Variants in DNAJC5 observed in about 807,000 individuals in gnomAD.
DNAJC5 encodes DnaJ heat shock protein family (Hsp40) member C5, also known as dnaJ homolog subfamily C member 5.
A neutral mutation model predicts 23.2 loss-of-function variants in DNAJC5; 1 was observed. The observed-to-expected ratio is 0.04, with a 90% CI of 0.02 to 0.20. The LOEUF is 0.20. Ranked by LOEUF, DNAJC5 falls within the 10% of genes least tolerant of loss-of-function variation. The pLI is 1.00. For synonymous variants in DNAJC5, 136 were observed against 120.0 expected (o/e 1.13, Z -0.87); for missense variants, 180 against 267.0 (o/e 0.67, Z 2.27).
intron 1 of DNAJC5, among the ~76,000 whole-genome samples, chr20:63,923,514 G>A (rs6122214): frequency 4.6e-5 from 7 of 152,116 alleles, no homozygotes; most frequent in African/African-American, 1.2e-4. Context: ...TGTAGCAGGC[G>A]GATTGCTTGA....
At chr20:63,899,795 A>C (rs929724639) in intron 1 of DNAJC5, among the ~76,000 whole-genome samples, 2 of 148,024 alleles carry the variant, frequency 1.4e-5, no homozygotes, top group East Asian at 2.1e-4. Flanking sequence ...GTTAGCCAGG[A>C]TGGTCTCGAT....
rs202015608 is a variant in DNAJC5 at position 63,929,364 on chromosome 20, G to A, written c.160G>A (p.Ala54Thr). The part of the protein sequence containing the change: ...PDKNPDNPEA[A>T]DKFKEINNAH... ...CAAGAACCCCGACAACCCGGAGGCC[G>A]CGGACAAGTTTAAGGAGATCAACAA... The change falls in exon 3 of 5, where the codon GCG (alanine) becomes ACG (threonine). Residue 54 changes from alanine (A) to threonine (T), a missense_variant. Around this residue, in one of 3 missense-constraint regions of DNAJC5, gnomAD observed 77 missense variants for 106.8 expected, o/e 0.72. Transcript: ENST00000360864. This position sits in a 1 kb window ranked among gnomAD's most constrained non-coding sequence, Gnocchi z 8.6. 52 of 1,614,156 alleles carry A rather than the reference G, an allele frequency of 3.2e-5. No individual in the cohort carries two copies. Among genetic ancestry groups the A allele is most frequent in the South Asian group, 4.4e-5 (4 of 91,086 alleles).
At position 63,920,779 on chromosome 20, in the gene DNAJC5, G is replaced by A. The variant is rs887277115; in HGVS notation, c.-11-7556G>A. On this transcript the variant is annotated intron_variant, in intron 1 of 4. Coordinates refer to ENST00000360864, the MANE Select transcript of DNAJC5 (RefSeq NM_025219.3). The surrounding 1 kb of genome is among the most constrained non-coding windows in gnomAD (Gnocchi z 4.6). ...TGCAACCTCCCCCTCGAGGGTTCAAGCGATTCTCCTGCCTCAGCCTCCTGA... is the reference window on the plus strand; with the variant it reads ...TGCAACCTCCCCCTCGAGGGTTCAAACGATTCTCCTGCCTCAGCCTCCTGA... Among the ~76,000 whole-genome samples the A allele has an allele frequency of 6.6e-6, 1 of 152,152 alleles. No individual in the cohort carries two copies. The highest frequency in any genetic ancestry group is 2.4e-5 in the African/African-American group (1 of 41,426).
At chr20:63,897,332 T>C (rs2053381948) in intron 1 of DNAJC5, among the ~76,000 whole-genome samples, 1 of 152,128 alleles carries the variant, frequency 6.6e-6, no homozygotes, top group Non-Finnish European at 1.5e-5. Context: ...AGGCGGAGGT[T>C]GCAGTGAGCC....
At chr20:63,908,009 C>G (rs1661098730) in intron 1 of DNAJC5, among the ~76,000 whole-genome samples, 1 of 152,300 alleles carries the variant, frequency 6.6e-6, no homozygotes, top group African/African-American at 2.4e-5. Flanking sequence ...CTCGTGATCC[C>G]CCCACCTTGG....
Position 63,930,736 on chromosome 20 carries a change from C to T in DNAJC5, c.322-115C>T, listed in dbSNP as rs572734063. On this transcript the variant is annotated intron_variant, in intron 3 of 4. Coordinates refer to ENST00000360864, the MANE Select transcript of DNAJC5 (RefSeq NM_025219.3). The stretch of plus-strand genomic sequence containing the variant: ...TTCCTTCTGCTTCCTGTCTGGAAGG[C>T]AGTATCCCCACCTGGAACGCACCCC... 4 of 1,515,090 alleles carry T rather than the reference C, an allele frequency of 2.6e-6. No homozygotes were observed. In the African/African-American group the frequency reaches 5.5e-5, roughly 21 times the overall value. 93.9% of individuals were successfully genotyped at this position (1,515,090 alleles called of 1,614,324 possible).
At chr20:63,922,038 C>G (rs1224148452) in intron 1 of DNAJC5, among the ~76,000 whole-genome samples, 1 of 152,094 alleles carries the variant, frequency 6.6e-6, no homozygotes, top group Admixed American at 6.6e-5. Context: ...CTCAGCCTCC[C>G]AAAGTGCTGG....
At chr20:63,900,576 CAAA>C (rs752326573) in intron 1 of DNAJC5, among the ~76,000 whole-genome samples, 3 of 65,280 alleles carry the variant, frequency 4.6e-5, no homozygotes, top group African/African-American at 6.5e-5. Context: ...GACACTGTCT[CAAA>C]AAAAAAAAAA....
At chr20:63,896,490 T>TAA (rs1189781246) in intron 1 of DNAJC5, among the ~76,000 whole-genome samples, 1 of 152,176 alleles carries the variant, frequency 6.6e-6, no homozygotes, top group Non-Finnish European at 1.5e-5. Flanking sequence ...GCGAGGGTGT[T>TAA]AATGAGCCTG....
At position 63,911,581 on chromosome 20, in the gene DNAJC5, C is replaced by T. The variant is rs560756035; in HGVS notation, c.-12+16258C>T. ...ATTTTCTCTTGCTGTTCTCGTGTTGCGTTAAGCTCAGCATCACTGTTGCTT... is the reference window on the plus strand; with the variant it reads ...ATTTTCTCTTGCTGTTCTCGTGTTGTGTTAAGCTCAGCATCACTGTTGCTT... On this transcript the variant is annotated intron_variant, in intron 1 of 4. Transcript: ENST00000360864. 5.3e-5 allele frequency among the ~76,000 whole-genome samples: 8 copies of T among 152,232 alleles called. No homozygotes were observed. In the South Asian group the frequency reaches 8.3e-4, roughly 16 times the overall value.
rs1568984627 is a variant in DNAJC5, at chr20:63,920,496, C to T, written c.-11-7839C>T. On this transcript the variant is annotated intron_variant, in intron 1 of 4. Coordinates refer to ENST00000360864, the MANE Select transcript of DNAJC5 (RefSeq NM_025219.3). The surrounding 1 kb of genome is among the most constrained non-coding windows in gnomAD (Gnocchi z 4.6). ...GAGCCGAGGTCATAGAGTGGCTGCC[C>T]TGGCGTAGGGAGGGAGGACACGGGT... Among the ~76,000 whole-genome samples, 1 of 152,176 alleles carries T rather than the reference C, an allele frequency of 6.6e-6. No homozygotes were observed. The highest frequency in any genetic ancestry group is 1.5e-5 in the Non-Finnish European group (1 of 68,014).
chr20:63,903,461 C>G (rs1315127579), intron 1 of DNAJC5, among the ~76,000 whole-genome samples: 9 of 152,086 alleles, frequency 5.9e-5, no homozygotes, highest in Admixed American at 5.9e-4. Flanking sequence ...GCATGCGCCA[C>G]TACGCCCGGC....
chr20:63,920,389 C>T lies in DNAJC5; in HGVS notation c.-11-7946C>T, dbSNP rs1057302259. ...TGGGTGTGGTGGGGGAAGGGGCTGG[C>T]GTCAGCAGGGCTCTCGTCCGCCAAC... is the stretch of plus-strand genomic sequence containing the variant. On this transcript the variant is annotated intron_variant, in intron 1 of 4. Coordinates refer to ENST00000360864, the MANE Select transcript of DNAJC5 (RefSeq NM_025219.3). This position sits in a 1 kb window ranked among gnomAD's most constrained non-coding sequence, Gnocchi z 4.6. Among the ~76,000 whole-genome samples, 5 of 152,136 alleles carry T rather than the reference C, an allele frequency of 3.3e-5. No homozygotes were observed. Among genetic ancestry groups the T allele is most frequent in the African/African-American group, 9.7e-5 (4 of 41,428 alleles).
At chr20:63,915,851 C>G (rs960749372) in intron 1 of DNAJC5, among the ~76,000 whole-genome samples, 1 of 152,348 alleles carries the variant, frequency 6.6e-6, no homozygotes, top group Admixed American at 6.5e-5. Flanking sequence ...TCCAGTGTCA[C>G]AGACTGATGA....
At chr20:63,911,873 T>G (rs2053484811) in intron 1 of DNAJC5, among the ~76,000 whole-genome samples, 1 of 150,650 alleles carries the variant, frequency 6.6e-6, no homozygotes, top group Admixed American at 6.6e-5. Flanking sequence ...AGAGATGGGG[T>G]TTCACCATGT....
chr20:63,932,029 G>T lies in DNAJC5; in HGVS notation c.*461G>T, dbSNP rs2053677505. 1 of 314,592 alleles carries T rather than the reference G, an allele frequency of 3.2e-6. No homozygotes were observed. The allele number at this position is 314,592 out of a possible 1,614,324, so 19.5% of individuals were successfully genotyped here. The stretch of plus-strand genomic sequence containing the variant: ...GCTGTGTTACCGTCTTGGCCTCGGG[G>T]TCTGGTCCACACTCTGTGCTCCCAG... On this transcript the variant is annotated 3_prime_UTR_variant, in exon 5 of 5. Coordinates refer to ENST00000360864, the MANE Select transcript of DNAJC5 (RefSeq NM_025219.3). This position sits in a 1 kb window ranked among gnomAD's most constrained non-coding sequence, Gnocchi z 4.4.
At position 63,924,938 on chromosome 20, in the gene DNAJC5, A is replaced by T. The variant is rs904653471; in HGVS notation, c.-11-3397A>T. Among the ~76,000 whole-genome samples, 12 of 152,362 alleles carry T rather than the reference A, an allele frequency of 7.9e-5. 1 individual carries two copies. Among genetic ancestry groups the T allele is most frequent in the African/African-American group, 9.6e-5 (4 of 41,582 alleles). On this transcript the variant is annotated intron_variant, in intron 1 of 4. Transcript: ENST00000360864. ...TGTTCGGCCATTCCCGAGCTCATGTACCGCACTCAAGATCAAGGATACACT... is the reference window on the plus strand; with the variant it reads ...TGTTCGGCCATTCCCGAGCTCATGTTCCGCACTCAAGATCAAGGATACACT...
chr20:63,904,994 G>A (rs1231289234), intron 1 of DNAJC5, among the ~76,000 whole-genome samples: 2 of 151,502 alleles, frequency 1.3e-5, no homozygotes, highest in East Asian at 1.9e-4. Context: ...AGTCTAGACG[G>A]GGGTTTCACC....
Position 63,895,194 on chromosome 20 carries a change from T to TGCCGCCGCCGCCGCC in DNAJC5, c.-134_-120dup, listed in dbSNP as rs531246320. 2.6e-5 allele frequency: 4 copies of TGCCGCCGCCGCCGCC among 153,514 alleles called. No homozygotes were observed. Among genetic ancestry groups the TGCCGCCGCCGCCGCC allele is most frequent in the Non-Finnish European group, 5.7e-5 (4 of 69,816 alleles). 9.5% of individuals were successfully genotyped at this position (153,514 alleles called of 1,614,324 possible). On this transcript the variant is annotated 5_prime_UTR_variant, in exon 1 of 5. Coordinates refer to ENST00000360864, the MANE Select transcript of DNAJC5 (RefSeq NM_025219.3). ...CTGCCGGTGCCGCACCCGCGCCCTC[T>TGCCGCCGCCGCCGCC]GCCGCCGCCGCCGCCGCCGCCCGGG...
Sources: allele counts gnomAD v4.1 joint callset (sites outside exome capture counted in the v4.1 genomes callset), GRCh38; gene constraint gnomAD v4.1.1; regional missense constraint gnomAD v4.1.1; non-coding constraint Gnocchi (gnomAD v3.1); transcripts MANE v1.5; gene names NCBI Gene and HGNC (gene_info 2026-07-23, HGNC 2026-07-21).